Variants in ABCB7 observed in about 807,000 individuals in gnomAD.
The protein encoded by ABCB7 is ATP binding cassette subfamily B member 7, also known as iron-sulfur clusters transporter ABCB7, mitochondrial.
A neutral mutation model predicts 54.4 loss-of-function variants in ABCB7; 7 were observed. The ratio of observed to expected loss-of-function variants is 0.13; its 90% CI spans 0.07 to 0.24. The LOEUF is 0.24. ABCB7 is among the 10% of genes least tolerant of loss of function. The pLI, the probability that ABCB7 is intolerant of heterozygous loss-of-function variation, is 1.00. For synonymous variants in ABCB7, 218 were observed against 207.1 expected, an observed-to-expected ratio of 1.05 and a Z score of -0.45; for missense variants, 356 against 570.4, an observed-to-expected ratio of 0.62 and a Z score of 3.83.
intron 1 of ABCB7, among the ~76,000 whole-genome samples, chrX:75,137,482 A>T (rs1354430889): frequency 8.9e-6 from 1 of 112,569 alleles, no homozygotes; most frequent in African/African-American, 3.2e-5. Flanking sequence ...GATTTCTCAA[A>T]GAACTTAAAA....
intron 15 of ABCB7, among the ~76,000 whole-genome samples, chrX:75,057,731 G>T (rs142463384): frequency 0.022 from 2,401 of 109,724 alleles, 73 homozygotes; most frequent in African/African-American, 0.075. Flanking sequence ...TAGATATCTG[G>T]ACATTTTGTT....
At chrX:75,074,835 T>A (rs1414905643) in intron 6 of ABCB7, among the ~76,000 whole-genome samples, 2 of 110,895 alleles carry the variant, frequency 1.8e-5, no homozygotes, top group Non-Finnish European at 3.8e-5. Context: ...TGGGGCCTAT[T>A]GAGGGTGGAG....
intron 3 of ABCB7, among the ~76,000 whole-genome samples, chrX:75,108,452 G>C (rs1228363204): frequency 9.0e-6 from 1 of 111,072 alleles, no homozygotes; most frequent in Non-Finnish European, 1.9e-5. Context: ...TATACAACAT[G>C]CCTCAAATTT....
At chrX:75,101,416 G>A (rs776855171) in intron 3 of ABCB7, among the ~76,000 whole-genome samples, 1 of 110,393 alleles carries the variant, frequency 9.1e-6, no homozygotes, top group Non-Finnish European at 1.9e-5. Flanking sequence ...ATCGCATAAA[G>A]AGTATTAGAA....
chrX:75,117,195 C>G (rs1219685932), intron 1 of ABCB7, among the ~76,000 whole-genome samples: 1 of 110,846 alleles, frequency 9.0e-6, no homozygotes, highest in East Asian at 2.8e-4. Context: ...GATCAGGACC[C>G]CTTTCCAGTA....
At chrX:75,082,898 G>T (rs1036647514) in intron 4 of ABCB7, among the ~76,000 whole-genome samples, 2 of 111,213 alleles carry the variant, frequency 1.8e-5, no homozygotes, top group Admixed American at 9.6e-5. Context: ...AAAGGTGACA[G>T]TAAAGGTAAA....
chrX:75,145,242 C>G (rs1184330554), intron 1 of ABCB7, among the ~76,000 whole-genome samples: 1 of 111,311 alleles, frequency 9.0e-6, no homozygotes, highest in East Asian at 2.8e-4. Context: ...AGACCAGCAT[C>G]ATCCTCATAC....
At chrX:75,065,468 CTAAACA>C in intron 12 of ABCB7, among the ~76,000 whole-genome samples, 1 of 110,998 alleles carries the variant, frequency 9.0e-6, no homozygotes, top group South Asian at 3.8e-4. Context: ...ATTTATATAC[CTAAACA>C]TATGTTTCTT....
At chrX:75,136,747 T>C (rs1236198508) in intron 1 of ABCB7, among the ~76,000 whole-genome samples, 2 of 111,976 alleles carry the variant, frequency 1.8e-5, no homozygotes, top group African/African-American at 6.5e-5. Context: ...CCAACAGCCA[T>C]CTGATGTTCA....
chrX:75,110,600 G>T (rs2081751108), intron 3 of ABCB7, among the ~76,000 whole-genome samples: 1 of 112,043 alleles, frequency 8.9e-6, no homozygotes, highest in South Asian at 3.7e-4. Flanking sequence ...ACATAAAAAA[G>T]AGTATGTCAA....
intron 12 of ABCB7, among the ~76,000 whole-genome samples, chrX:75,067,383 G>A (rs777893050): frequency 1.8e-5 from 2 of 112,210 alleles, no homozygotes; most frequent in African/African-American, 6.5e-5. Context: ...AAGAATGGCA[G>A]GAATCTATTT....
rs1602383656 is a variant in ABCB7 at position 75,112,986 on chromosome X, A to G, written c.247-14T>C. On this transcript the variant is annotated splice_polypyrimidine_tract_variant and intron_variant, in intron 2 of 15. Coordinates refer to ENST00000373394, the MANE Select transcript of ABCB7 (RefSeq NM_001271696.3). Reference sequence around the variant, plus strand: ...TACCTGGAGAGCCTAATTGAAGATGATACCAAGCAGTCCGTTAGCTATTAC... The same window carrying G: ...TACCTGGAGAGCCTAATTGAAGATGGTACCAAGCAGTCCGTTAGCTATTAC... 1 of 1,169,609 alleles carries G rather than the reference A, an allele frequency of 8.5e-7. No homozygotes were observed. The highest frequency in any genetic ancestry group is 3.0e-5 in the East Asian group (1 of 33,577).
chrX:75,150,140 T>C (rs1291486272), intron 1 of ABCB7, among the ~76,000 whole-genome samples: 1 of 111,397 alleles, frequency 9.0e-6, no homozygotes, highest in African/African-American at 3.3e-5. Flanking sequence ...ACAAAACCCA[T>C]GCATAAAGTA....
intron 12 of ABCB7, 54 bp from the exon 13 acceptor site, chrX:75,065,295 T>C: frequency 3.8e-6 from 4 of 1,039,403 alleles, no homozygotes; most frequent in Non-Finnish European, 5.3e-6. Flanking sequence ...TCTCTCTCTA[T>C]TTATGTTCAT....
chrX:75,153,760 G>GTATATATA (rs55904708), intron 1 of ABCB7, among the ~76,000 whole-genome samples: 1 of 94,145 alleles, frequency 1.1e-5, no homozygotes, highest in African/African-American at 3.8e-5. Flanking sequence ...GTGTGTGTGT[G>GTATATATA]TATATATATA....
rs780719266 is a variant in ABCB7, at chrX:75,120,628, A to AAAG, written c.169-5798_169-5797insCTT. On this transcript the variant is annotated intron_variant, in intron 1 of 15. Coordinates refer to ENST00000373394, the MANE Select transcript of ABCB7 (RefSeq NM_001271696.3). Reference sequence around the variant, plus strand: ...AAAATAAATAAATAAATAAATAAAAATAAACTGTTTTATTTTGCAACAGGA... The same window carrying AAAG: ...AAAATAAATAAATAAATAAATAAAAAAAGTAAACTGTTTTATTTTGCAACAGGA... Among the ~76,000 whole-genome samples, 13 of 109,841 alleles carry AAAG rather than the reference A, an allele frequency of 1.2e-4. No homozygotes were observed. In the South Asian group the frequency reaches 3.2e-3, roughly 27 times the overall value.
At chrX:75,148,951 T>G (rs751413762) in intron 1 of ABCB7, among the ~76,000 whole-genome samples, 3 of 111,888 alleles carry the variant, frequency 2.7e-5, no homozygotes, top group African/African-American at 9.7e-5. Context: ...TAGCAAACAT[T>G]CATGCACTCA....
At chrX:75,124,782 C>T in intron 1 of ABCB7, among the ~76,000 whole-genome samples, 1 of 111,575 alleles carries the variant, frequency 9.0e-6, no homozygotes, top group Non-Finnish European at 1.9e-5. Flanking sequence ...TTCTAATATT[C>T]CTAACCCTAT....
At chrX:75,129,539 T>C (rs2081960114) in intron 1 of ABCB7, among the ~76,000 whole-genome samples, 1 of 108,543 alleles carries the variant, frequency 9.2e-6, no homozygotes, top group African/African-American at 3.4e-5. Context: ...GGCACATGTA[T>C]ACCTATGTAA....
Sources: allele counts gnomAD v4.1 joint callset (sites outside exome capture counted in the v4.1 genomes callset), GRCh38; gene constraint gnomAD v4.1.1; transcripts MANE v1.5; gene names NCBI Gene and HGNC (gene_info 2026-07-23, HGNC 2026-07-21).